Variants in HOOK3 observed in about 807,000 individuals in gnomAD.
HOOK3 encodes the protein hook microtubule tethering protein 3.
In HOOK3, 24 loss-of-function variants were observed where a neutral mutation model predicts 116.3. That is an observed-to-expected ratio of 0.21 (90% CI 0.15 to 0.29). HOOK3 has a LOEUF of 0.29. HOOK3 is among the 10% of genes least tolerant of loss of function. The pLI, the probability that HOOK3 is intolerant of heterozygous loss-of-function variation, is 1.00. For synonymous variants in HOOK3, 275 were observed against 283.0 expected (o/e 0.97, Z 0.28); for missense variants, 632 against 830.2 (o/e 0.76, Z 2.93).
chr8:42,941,619 A>G (rs933125268), intron 4 of HOOK3, among the ~76,000 whole-genome samples: 1 of 151,824 alleles, frequency 6.6e-6, no homozygotes, highest in Non-Finnish European at 1.5e-5. Context: ...AAGGAGAAAA[A>G]TTTAATTTAA....
rs775810802 is a variant in HOOK3 at position 42,982,689 on chromosome 8, G to A, written c.1384G>A (p.Glu462Lys). 1 of 1,609,386 alleles carries A rather than the reference G, an allele frequency of 6.2e-7. No homozygotes were observed. Residue 462 changes from glutamate (E) to lysine (K), a missense_variant, in exon 14 of 22, where the codon GAA (glutamate) becomes AAA (lysine). Around this residue, in one of 3 missense-constraint regions of HOOK3, gnomAD observed 483 missense variants for 648.1 expected, o/e 0.75. Transcript: ENST00000307602. ...TCTAGCTGCAGAGATTGTTACACCT[G>A]AAATCAGGTAAGGAGATTGTGGTGT... ...DSLAAEIVTP[E>K]IREKLIRLQH...
At chr8:42,994,728 T>G (rs1184545718) in intron 15 of HOOK3, among the ~76,000 whole-genome samples, 2 of 152,234 alleles carry the variant, frequency 1.3e-5, no homozygotes, top group African/African-American at 2.4e-5. Flanking sequence ...AATATTTTCT[T>G]ATATTTATGT....
chr8:42,968,481 T>G (rs1232933231), intron 11 of HOOK3, among the ~76,000 whole-genome samples: 1 of 152,052 alleles, frequency 6.6e-6, no homozygotes, highest in Non-Finnish European at 1.5e-5. Flanking sequence ...AGACGCATGC[T>G]GCCACACCTG....
chr8:42,903,375 C>T (rs971321303), intron 1 of HOOK3, among the ~76,000 whole-genome samples: 4 of 125,618 alleles, frequency 3.2e-5, no homozygotes, highest in African/African-American at 1.2e-4. Flanking sequence ...GACGGAGTCT[C>T]GCTCTGTGGC....
chr8:42,954,927 TC>T (rs1210165186), intron 6 of HOOK3, among the ~76,000 whole-genome samples: 8 of 152,088 alleles, frequency 5.3e-5, no homozygotes, highest in Non-Finnish European at 1.0e-4. Flanking sequence ...GGCAAGATAG[TC>T]TGATGATGAG....
chr8:42,908,905 A>T (rs1807366896), intron 2 of HOOK3, among the ~76,000 whole-genome samples: 1 of 152,228 alleles, frequency 6.6e-6, no homozygotes, highest in Non-Finnish European at 1.5e-5. Context: ...TTTGCAAGCC[A>T]TACATCTAAT....
intron 4 of HOOK3, among the ~76,000 whole-genome samples, chr8:42,937,198 A>G (rs1271371079): frequency 1.3e-5 from 2 of 151,726 alleles, no homozygotes; most frequent in Non-Finnish European, 2.9e-5. Flanking sequence ...GTATTCTCTG[A>G]TGGTAGTTTG....
At chr8:43,008,696 G>A (rs1464880293) in intron 18 of HOOK3, among the ~76,000 whole-genome samples, 8 of 133,396 alleles carry the variant, frequency 6.0e-5, no homozygotes, top group African/African-American at 2.3e-4. Flanking sequence ...GTCTCGCTCT[G>A]TCGCCCAGGC....
chr8:42,909,334 C>A (rs561349401), intron 2 of HOOK3, among the ~76,000 whole-genome samples: 2 of 152,312 alleles, frequency 1.3e-5, no homozygotes, highest in South Asian at 4.1e-4. Flanking sequence ...TGAGGAGATA[C>A]CTGCACTTCC....
chr8:43,009,356 A>C (rs1408505437), intron 18 of HOOK3, among the ~76,000 whole-genome samples: 1 of 151,928 alleles, frequency 6.6e-6, no homozygotes, highest in Non-Finnish European at 1.5e-5. Context: ...GAGTGAGCCG[A>C]GATCTCGCCA....
chr8:42,918,416 T>A (rs538498457), intron 2 of HOOK3, among the ~76,000 whole-genome samples: 3 of 152,300 alleles, frequency 2.0e-5, no homozygotes, highest in East Asian at 1.9e-4. Flanking sequence ...GTGTTTTTTT[T>A]AACATTTTTT....
intron 2 of HOOK3, among the ~76,000 whole-genome samples, chr8:42,916,185 T>C (rs1251871613): frequency 6.6e-6 from 1 of 152,236 alleles, no homozygotes. Flanking sequence ...CCACCCTTTT[T>C]AATATTGCCG....
At chr8:43,016,538 G>C (rs2130494964) in intron 21 of HOOK3, among the ~76,000 whole-genome samples, 1 of 152,276 alleles carries the variant, frequency 6.6e-6, no homozygotes, top group African/African-American at 2.4e-5. Flanking sequence ...CTGCTTCTCA[G>C]GTAACTTAAA....
chr8:42,954,459 G>GT (rs1233045506), intron 6 of HOOK3, among the ~76,000 whole-genome samples: 1 of 152,120 alleles, frequency 6.6e-6, no homozygotes, highest in African/African-American at 2.4e-5. Flanking sequence ...ATATCCATTA[G>GT]TAAGCTAGTG....
At chr8:42,912,302 A>T (rs1208712143) in intron 2 of HOOK3, among the ~76,000 whole-genome samples, 1 of 152,084 alleles carries the variant, frequency 6.6e-6, no homozygotes, top group Non-Finnish European at 1.5e-5. Context: ...TTGGTCTTTT[A>T]AGTTGTTTTG....
At chr8:42,970,219 T>C (rs1230764550) in intron 11 of HOOK3, among the ~76,000 whole-genome samples, 1 of 152,220 alleles carries the variant, frequency 6.6e-6, no homozygotes, top group Non-Finnish European at 1.5e-5. Flanking sequence ...CAATTCTACC[T>C]TGTATATCTA....
chr8:42,949,250 T>C (rs1158967678), intron 5 of HOOK3: 2 of 152,232 alleles, frequency 1.3e-5, no homozygotes, highest in African/African-American at 4.8e-5. Flanking sequence ...TGTTTCTTAT[T>C]GCAAAGGCAA....
chr8:43,016,279 G>A (rs149749569), intron 21 of HOOK3, among the ~76,000 whole-genome samples: 83 of 152,042 alleles, frequency 5.5e-4, no homozygotes, highest in Non-Finnish European at 1.1e-3. Flanking sequence ...CACCACGCCT[G>A]GCTAATTTTT....
rs1026675920 is a variant in HOOK3, at chr8:42,973,338, A to G, written c.1172A>G (p.Lys391Arg). The G allele has an allele frequency of 1.2e-6, 2 of 1,613,326 alleles. No individual in the cohort carries two copies. The highest frequency in any genetic ancestry group is 1.7e-6 in the Non-Finnish European group (2 of 1,179,680). The change falls in exon 12 of 22, where the codon AAA becomes AGA. Residue 391 changes from lysine (K) to arginine (R), a missense_variant. By Grantham distance (26) the Lys-to-Arg change is conservative. Around this residue, in one of 3 missense-constraint regions of HOOK3, gnomAD observed 483 missense variants for 648.1 expected, o/e 0.75. Transcript: ENST00000307602. Reference sequence around the variant, plus strand: ...TCCGAAGAATCAAAGAAAGCAGATAAACTAGATTTTGAATATAAGCGGCTA... The same window carrying G: ...TCCGAAGAATCAAAGAAAGCAGATAGACTAGATTTTGAATATAAGCGGCTA... ...RLSEESKKAD[K>R]LDFEYKRLKE... is the part of the protein sequence containing the mutation.
Sources: allele counts gnomAD v4.1 joint callset (sites outside exome capture counted in the v4.1 genomes callset), GRCh38; gene constraint gnomAD v4.1.1; regional missense constraint gnomAD v4.1.1; transcripts MANE v1.5; gene names NCBI Gene and HGNC (gene_info 2026-07-23, HGNC 2026-07-21).